TNKS: variants seen among roughly 807,000 people sequenced by gnomAD.
The protein encoded by TNKS is poly [ADP-ribose] polymerase tankyrase-1.
Under a neutral mutation model 135.8 loss-of-function variants are expected in TNKS, and 72 were observed. The ratio of observed to expected loss-of-function variants is 0.53; its 90% CI spans 0.44 to 0.64. The LOEUF (loss-of-function observed/expected upper bound fraction) is 0.64. TNKS is among the 30% of genes least tolerant of loss of function. The probability of loss-of-function intolerance (pLI) is 0.00; values close to 1 mark genes in which losing one functional copy is unlikely to be tolerated. For synonymous variants in TNKS, 849 were observed against 649.3 expected (o/e 1.31, Z -4.68); for missense variants, 1,769 against 1,674.0 (o/e 1.06, Z -0.99).
intron 3 of TNKS, among the ~76,000 whole-genome samples, chr8:9,627,275 A>G (rs538729418): frequency 1.1e-4 from 17 of 152,366 alleles, no homozygotes; most frequent in African/African-American, 4.1e-4. Flanking sequence ...TTTATAATAA[A>G]CCAGTAAATG....
At chr8:9,647,625 C>T (rs141305826) in intron 3 of TNKS, among the ~76,000 whole-genome samples, 2 of 152,282 alleles carry the variant, frequency 1.3e-5, no homozygotes, top group East Asian at 3.9e-4. Context: ...CTGTGTGCTC[C>T]ATAACACTTC....
intron 12 of TNKS, among the ~76,000 whole-genome samples, chr8:9,726,133 G>A (rs1281289121): frequency 6.6e-6 from 1 of 152,164 alleles, no homozygotes; most frequent in African/African-American, 2.4e-5. Flanking sequence ...GCTCACATCT[G>A]TAATCCCAGC....
Position 9,762,904 on chromosome 8 carries a change from C to CA in TNKS, c.3275-227dup, listed in dbSNP as rs148458789. Among the ~76,000 whole-genome samples the CA allele has an allele frequency of 1.4e-3, 156 of 112,162 alleles. 1 individual carries two copies. The highest frequency in any genetic ancestry group is 6.0e-3 in the Middle Eastern group (1 of 168). The allele number at this position is 112,162 out of a possible 152,430, so 73.6% of individuals were successfully genotyped here. ...TGGGCGACAGAGCGAGGCTCCGTCT[C>CA]AAAAAAAAAAAAAAAAGAACAGATA... On this transcript the variant is annotated intron_variant, in intron 21 of 26. Transcript: ENST00000310430.
At chr8:9,616,004 G>A (rs1799631787) in intron 3 of TNKS, among the ~76,000 whole-genome samples, 1 of 152,114 alleles carries the variant, frequency 6.6e-6, no homozygotes, top group Non-Finnish European at 1.5e-5. Context: ...TGTTGAGCAA[G>A]CAAGGGCATT....
At chr8:9,573,710 G>C (rs557794872) in intron 1 of TNKS, among the ~76,000 whole-genome samples, 1 of 152,238 alleles carries the variant, frequency 6.6e-6, no homozygotes, top group South Asian at 2.1e-4. Flanking sequence ...TTCTCATTTG[G>C]TATATAAGTG....
In TNKS at chr8:9,615,568, C is replaced by A; in HGVS notation, c.899-14C>A. 1 of 1,607,216 alleles carries A rather than the reference C, an allele frequency of 6.2e-7. No homozygotes were observed. Among genetic ancestry groups the A allele is most frequent in the Non-Finnish European group, 8.5e-7 (1 of 1,176,156 alleles). On this transcript the variant is annotated splice_polypyrimidine_tract_variant and intron_variant, in intron 2 of 26. Coordinates refer to ENST00000310430, the MANE Select transcript of TNKS (RefSeq NM_003747.3). ...TCCCCGAGGTAAGATACTGTTTCTG[C>A]TTTCCCTGCACAGTGCTGCTGCAGC... is the stretch of plus-strand genomic sequence containing the variant.
intron 2 of TNKS, among the ~76,000 whole-genome samples, chr8:9,588,782 T>C (rs1798484274): frequency 6.6e-6 from 1 of 152,170 alleles, no homozygotes; most frequent in Non-Finnish European, 1.5e-5. Flanking sequence ...AGGTTTACTG[T>C]GTGAAGTGCT....
intron 2 of TNKS, among the ~76,000 whole-genome samples, chr8:9,595,973 G>C (rs964824923): frequency 2.0e-5 from 3 of 152,078 alleles, no homozygotes; most frequent in African/African-American, 7.2e-5. Context: ...TTAGCTGGGG[G>C]TGGTGGCACA....
At chr8:9,573,555 A>C (rs1278745246) in intron 1 of TNKS, among the ~76,000 whole-genome samples, 2 of 152,188 alleles carry the variant, frequency 1.3e-5, no homozygotes, top group Non-Finnish European at 2.9e-5. Context: ...TTCAGGCTAA[A>C]TTAAATTTAA....
intron 3 of TNKS, among the ~76,000 whole-genome samples, chr8:9,638,064 G>T (rs1030166553): frequency 1.3e-4 from 20 of 152,108 alleles, no homozygotes; most frequent in African/African-American, 4.3e-4. Flanking sequence ...AAACTTCTGG[G>T]CCCAAGGTAT....
chr8:9,662,523 C>G (rs1563151330), intron 3 of TNKS, among the ~76,000 whole-genome samples: 1 of 152,112 alleles, frequency 6.6e-6, no homozygotes, highest in South Asian at 2.1e-4. Context: ...TATGTTCTGA[C>G]TCATAGGTGG....
chr8:9,777,209 T>C lies in TNKS; in HGVS notation c.*473T>C, dbSNP rs1808269402. The C allele has an allele frequency of 1.3e-5, 2 of 156,610 alleles. No homozygotes were observed. Among genetic ancestry groups the C allele is most frequent in the Non-Finnish European group, 2.8e-5 (2 of 70,276 alleles). 9.7% of individuals were successfully genotyped at this position (156,610 alleles called of 1,614,324 possible). On this transcript the variant is annotated 3_prime_UTR_variant, in exon 27 of 27. Coordinates refer to ENST00000310430, the MANE Select transcript of TNKS (RefSeq NM_003747.3). ...TGTTTGTTTTTTGTTTTTTTGTGTT[T>C]TTTGGGTTACTTTGAAAATGAGCCA... is the stretch of plus-strand genomic sequence containing the variant.
At chr8:9,666,058 C>G (rs1355359644) in intron 3 of TNKS, among the ~76,000 whole-genome samples, 1 of 152,064 alleles carries the variant, frequency 6.6e-6, no homozygotes, top group East Asian at 1.9e-4. Context: ...CCTCATCTTA[C>G]TCAGCGCAAA....
At chr8:9,638,369 G>A (rs1468239105) in intron 3 of TNKS, among the ~76,000 whole-genome samples, 5 of 152,214 alleles carry the variant, frequency 3.3e-5, no homozygotes, top group Admixed American at 3.3e-4. Context: ...TGGGCCAAAT[G>A]TTATGGTGAA....
intron 2 of TNKS, among the ~76,000 whole-genome samples, chr8:9,612,859 A>C (rs769324758): frequency 2.0e-5 from 3 of 152,172 alleles, no homozygotes; most frequent in Non-Finnish European, 4.4e-5. Flanking sequence ...CTTATTTTGT[A>C]TGTTATATGT....
In TNKS at chr8:9,734,897, T is replaced by C; in HGVS notation, c.2346T>C (p.Asp782=). 6.2e-7 allele frequency: 1 copy of C among 1,614,098 alleles called. No homozygotes were observed. Among genetic ancestry groups the C allele is most frequent in the Non-Finnish European group, 8.5e-7 (1 of 1,180,010 alleles). Residue 782 remains aspartate, a synonymous_variant, in exon 16 of 27, where the codon GAT becomes GAC. Transcript: ENST00000310430. ...HGADPTKKNR[D]GNTPLDLVKE... is the part of the protein sequence containing the mutation. ...CAGATCCAACTAAAAAGAACAGAGATGGAAATACACCTTTGGATTTGGTAA... is the reference window on the plus strand; with the variant it reads ...CAGATCCAACTAAAAAGAACAGAGACGGAAATACACCTTTGGATTTGGTAA...
At chr8:9,571,836 C>G (rs10087166) in intron 1 of TNKS, among the ~76,000 whole-genome samples, 37,349 of 151,946 alleles carry the variant, frequency 0.25, 4,787 homozygotes, top group East Asian at 0.38. Context: ...TTTTTAGGTA[C>G]TTGAATATAA....
intron 1 of TNKS, chr8:9,557,027 C>A (rs1265605137): frequency 7.7e-6 from 2 of 260,642 alleles, no homozygotes; most frequent in Non-Finnish European, 1.5e-5. Context: ...AGGTTTAATA[C>A]AACCCAACAC....
rs146901009 is a variant in TNKS, at chr8:9,719,934, A to G, written c.1750-440A>G. Reference sequence around the variant, plus strand: ...ATATTACCTAAATTAGAAAAGAAATATAATCAACTACTTTGACAGTCTTTG... The same window carrying G: ...ATATTACCTAAATTAGAAAAGAAATGTAATCAACTACTTTGACAGTCTTTG... On this transcript the variant is annotated intron_variant, in intron 11 of 26. Coordinates refer to ENST00000310430, the MANE Select transcript of TNKS (RefSeq NM_003747.3). Among the ~76,000 whole-genome samples, 80 of 152,338 alleles carry G rather than the reference A, an allele frequency of 5.3e-4. 1 individual carries two copies. Among genetic ancestry groups the G allele is most frequent in the South Asian group, 3.3e-3 (16 of 4,828 alleles).
Sources: gnomAD v4.1 joint callset for allele counts (sites outside exome capture counted in the v4.1 genomes callset) on GRCh38, gnomAD v4.1.1 for gene constraint, MANE v1.5 for transcripts, NCBI Gene and HGNC (gene_info 2026-07-23, HGNC 2026-07-21) for gene names.